FAM184A: variants seen among roughly 807,000 people sequenced by gnomAD.
FAM184A encodes protein FAM184A.
FAM184A carries 99 observed loss-of-function variants against 143.8 expected under a neutral mutation model. That is an observed-to-expected ratio of 0.69 (90% CI 0.58 to 0.81). The LOEUF is 0.81. FAM184A is among the 40% of genes least tolerant of loss of function. The pLI, the probability that FAM184A is intolerant of heterozygous loss-of-function variation, is 0.00. For missense variants in FAM184A, 1,217 were observed against 1,310.5 expected (o/e 0.93, Z 1.10); for synonymous variants, 427 against 446.4 (o/e 0.96, Z 0.55).
intron 1 of FAM184A, among the ~76,000 whole-genome samples, chr6:119,068,895 C>T (rs190175360): frequency 7.8e-4 from 119 of 152,208 alleles, no homozygotes; most frequent in African/African-American, 2.8e-3. Context: ...ATAAGTTCTA[C>T]CCAAAAAGAA....
chr6:119,144,809 GGGGTGGTAGAT>G (rs1480702658), intron 1 of FAM184A, among the ~76,000 whole-genome samples: 1 of 152,170 alleles, frequency 6.6e-6, no homozygotes, highest in Admixed American at 6.5e-5. Flanking sequence ...CCTGGCCTAG[GGGGTGGTAGAT>G]GGGTGGTATA....
chr6:119,066,852 TCCAA>T (rs1474589642), intron 1 of FAM184A, among the ~76,000 whole-genome samples: 1 of 152,170 alleles, frequency 6.6e-6, no homozygotes, highest in Non-Finnish European at 1.5e-5. Context: ...TTCAGAAACA[TCCAA>T]CCAAATGTGC....
intron 1 of FAM184A, among the ~76,000 whole-genome samples, chr6:119,046,004 T>C (rs1253285906): frequency 6.6e-6 from 1 of 152,166 alleles, no homozygotes; most frequent in Non-Finnish European, 1.5e-5. Flanking sequence ...CTATTCATTG[T>C]AGAAAATTTG....
chr6:119,119,265 G>T (rs929326587), intron 1 of FAM184A, among the ~76,000 whole-genome samples: 1 of 152,206 alleles, frequency 6.6e-6, no homozygotes, highest in Non-Finnish European at 1.5e-5. Context: ...CATTTGCCTT[G>T]TGATAGTGTA....
At chr6:119,010,417 G>C (rs772273121) in intron 6 of FAM184A, among the ~76,000 whole-genome samples, 3 of 151,926 alleles carry the variant, frequency 2.0e-5, no homozygotes, top group Non-Finnish European at 2.9e-5. Flanking sequence ...TTTTATCATT[G>C]TTAATTTTAT....
chr6:119,061,347 C>T (rs976434201), intron 1 of FAM184A, among the ~76,000 whole-genome samples: 2 of 151,618 alleles, frequency 1.3e-5, no homozygotes, highest in African/African-American at 4.8e-5. Flanking sequence ...GCCAGGATTA[C>T]TTTTCTTTCT....
intron 1 of FAM184A, among the ~76,000 whole-genome samples, chr6:119,030,224 CATA>C (rs1785817158): frequency 6.6e-6 from 1 of 151,994 alleles, no homozygotes; most frequent in Non-Finnish European, 1.5e-5. Flanking sequence ...TGAAGCCAAA[CATA>C]ATAACAAATT....
intron 1 of FAM184A, among the ~76,000 whole-genome samples, chr6:119,035,072 C>G (rs1031173275): frequency 2.6e-5 from 4 of 151,964 alleles, no homozygotes; most frequent in African/African-American, 7.3e-5. Context: ...TTAGACTGTT[C>G]ACAACTACGG....
At chr6:119,038,687 T>C (rs1049078575) in intron 1 of FAM184A, among the ~76,000 whole-genome samples, 49 of 152,332 alleles carry the variant, frequency 3.2e-4, no homozygotes, top group Non-Finnish European at 6.9e-4. Flanking sequence ...GCTCTGTCTA[T>C]GGAGTAGCCA....
chr6:119,073,677 G>C (rs2114793176), intron 1 of FAM184A, among the ~76,000 whole-genome samples: 1 of 152,276 alleles, frequency 6.6e-6, no homozygotes, highest in Middle Eastern at 3.4e-3. Context: ...TAAAGCCTAG[G>C]GAAAAAGGCT....
chr6:119,146,762 G>A (rs779935225), intron 1 of FAM184A, among the ~76,000 whole-genome samples: 5 of 152,036 alleles, frequency 3.3e-5, no homozygotes, highest in Non-Finnish European at 4.4e-5. Context: ...TCCCAGATGA[G>A]AGATGCTGTA....
At chr6:119,055,521 G>T (rs1381930248) in intron 1 of FAM184A, among the ~76,000 whole-genome samples, 1 of 152,090 alleles carries the variant, frequency 6.6e-6, no homozygotes, top group Non-Finnish European at 1.5e-5. Context: ...AATGTATAGG[G>T]GTTTTAATTT....
intron 1 of FAM184A, among the ~76,000 whole-genome samples, chr6:119,121,785 C>T (rs1789219874): frequency 6.6e-6 from 1 of 152,162 alleles, no homozygotes; most frequent in African/African-American, 2.4e-5. Flanking sequence ...CTTAAAAAGG[C>T]ATGAAGATCT....
intron 11 of FAM184A, among the ~76,000 whole-genome samples, chr6:118,977,485 C>T (rs1248687821): frequency 1.3e-5 from 2 of 152,148 alleles, no homozygotes; most frequent in African/African-American, 4.8e-5. Context: ...GAGGCTGAGG[C>T]AGGAGGATTG....
rs770118249 is a variant in FAM184A at position 118,964,693 on chromosome 6, C to G, written c.3112G>C (p.Val1038Leu). 2 of 1,604,662 alleles carry G rather than the reference C, an allele frequency of 1.2e-6. No individual in the cohort carries two copies. The highest frequency in any genetic ancestry group is 1.3e-5 in the African/African-American group (1 of 74,794). ...TTAGCCAATGGATTAATAACACCAA[C>G]AGTAGGACTTGAGTTAAACACTTTG... is the stretch of plus-strand genomic sequence containing the variant. ...FNKVFNSSPT[V>L]GVINPLAKQK... The change falls in exon 16 of 18, where the codon GTT becomes CTT. Residue 1038 changes from valine to leucine, a missense_variant. Physicochemically the swap from Val to Leu is conservative, Grantham distance 32. Coordinates refer to ENST00000338891, the MANE Select transcript of FAM184A (RefSeq NM_024581.6).
intron 1 of FAM184A, among the ~76,000 whole-genome samples, chr6:119,144,444 G>T (rs929179170): frequency 1.3e-5 from 2 of 152,144 alleles, no homozygotes; most frequent in Admixed American, 6.5e-5. Flanking sequence ...GGGCCTGGAA[G>T]CCGACAGCTC....
intron 9 of FAM184A, among the ~76,000 whole-genome samples, chr6:119,000,599 A>G (rs1330205085): frequency 1.3e-5 from 2 of 152,214 alleles, no homozygotes; most frequent in Admixed American, 1.3e-4. Flanking sequence ...TTAACTCTCA[A>G]GAGATTCATA....
At chr6:119,108,338 C>T (rs1215242583) in intron 1 of FAM184A, among the ~76,000 whole-genome samples, 1 of 152,094 alleles carries the variant, frequency 6.6e-6, no homozygotes, top group Admixed American at 6.5e-5. Flanking sequence ...GGAACCATCA[C>T]CAAGAACTCG....
At chr6:119,126,833 G>A (rs1261853382) in intron 1 of FAM184A, among the ~76,000 whole-genome samples, 3 of 152,204 alleles carry the variant, frequency 2.0e-5, no homozygotes, top group Non-Finnish European at 4.4e-5. Context: ...GCCAATGGAA[G>A]TGGCTCTCAG....
Sources: allele counts gnomAD v4.1 joint callset (sites outside exome capture counted in the v4.1 genomes callset), GRCh38; gene constraint gnomAD v4.1.1; transcripts MANE v1.5; gene names NCBI Gene and HGNC (gene_info 2026-07-23, HGNC 2026-07-21).